Variants in CNTN5 observed in about 807,000 individuals in gnomAD.
CNTN5 encodes contactin 5.
Under a neutral mutation model 129.1 loss-of-function variants are expected in CNTN5, and 77 were observed. The observed-to-expected ratio is 0.60, with a 90% CI of 0.50 to 0.72. The LOEUF (loss-of-function observed/expected upper bound fraction) is 0.72, where lower values mean the gene tolerates loss of function less well. CNTN5 is among the 30% of genes least tolerant of loss of function. The pLI is 0.00. For synonymous variants in CNTN5, 509 were observed against 465.6 expected, an observed-to-expected ratio of 1.09 and a Z score of -1.20; for missense variants, 1,478 against 1,328.8, an observed-to-expected ratio of 1.11 and a Z score of -1.75.
Position 100,203,799 on chromosome 11 carries a change from TACAC to T in CNTN5, c.1884+10165_1884+10168del, listed in dbSNP as rs59141425. Among the ~76,000 whole-genome samples, 659 of 139,172 alleles carry T rather than the reference TACAC, an allele frequency of 4.7e-3. 3 individuals carry two copies. The highest frequency in any genetic ancestry group is 7.4e-3 in the South Asian group (30 of 4,074). The allele number at this position is 139,172 out of a possible 152,430, so 91.3% of individuals were successfully genotyped here. On this transcript the variant is annotated intron_variant, in intron 15 of 24. Coordinates refer to ENST00000524871, the MANE Select transcript of CNTN5 (RefSeq NM_014361.4). The stretch of plus-strand genomic sequence containing the variant: ...CCATCCAATTACATAAATGTGCACG[TACAC>T]ACACACACACACACACACACACACA...
chr11:99,789,557 G>C (rs1402235942), intron 3 of CNTN5, among the ~76,000 whole-genome samples: 1 of 151,916 alleles, frequency 6.6e-6, no homozygotes. Flanking sequence ...TTATCACTTA[G>C]CTTCCTTTGC....
intron 1 of CNTN5, among the ~76,000 whole-genome samples, chr11:99,232,436 G>C (rs1261266780): frequency 2.0e-5 from 3 of 152,120 alleles, no homozygotes; most frequent in Non-Finnish European, 4.4e-5. Flanking sequence ...ATTCATTCAT[G>C]ATTTGCCTCT....
intron 3 of CNTN5, among the ~76,000 whole-genome samples, chr11:99,810,909 A>C (rs1409502383): frequency 1.3e-5 from 2 of 152,130 alleles, no homozygotes; most frequent in African/African-American, 4.8e-5. Flanking sequence ...TCATGAATAC[A>C]TAGTGCCACT....
chr11:99,583,027 A>T (rs1949665661), intron 3 of CNTN5, among the ~76,000 whole-genome samples: 1 of 152,124 alleles, frequency 6.6e-6, no homozygotes, highest in Admixed American at 6.5e-5. Context: ...TCTGTTTGTT[A>T]GTTTTCCTTC....
At chr11:99,971,756 A>T (rs1359918315) in intron 8 of CNTN5, among the ~76,000 whole-genome samples, 1 of 151,900 alleles carries the variant, frequency 6.6e-6, no homozygotes, top group South Asian at 2.1e-4. Context: ...TGTTATGGCT[A>T]AAGTTTATAA....
chr11:99,964,887 G>C (rs1288728888), intron 8 of CNTN5, among the ~76,000 whole-genome samples: 3 of 152,080 alleles, frequency 2.0e-5, no homozygotes, highest in Non-Finnish European at 4.4e-5. Context: ...GTTTAGTCTT[G>C]GGAGGGTGTA....
At chr11:99,555,287 A>G (rs1948627779) in intron 2 of CNTN5, among the ~76,000 whole-genome samples, 1 of 152,032 alleles carries the variant, frequency 6.6e-6, no homozygotes, top group South Asian at 2.1e-4. Flanking sequence ...CTTTACAATT[A>G]TTTCTCAACT....
At chr11:99,354,558 A>C (rs948883864) in intron 2 of CNTN5, among the ~76,000 whole-genome samples, 1 of 152,182 alleles carries the variant, frequency 6.6e-6, no homozygotes, top group African/African-American at 2.4e-5. Flanking sequence ...TAAAAAGCAA[A>C]GGGGAGACAT....
chr11:99,252,576 C>A (rs1258440813), intron 1 of CNTN5, among the ~76,000 whole-genome samples: 1 of 151,442 alleles, frequency 6.6e-6, no homozygotes, highest in Non-Finnish European at 1.5e-5. Flanking sequence ...TATAAACATC[C>A]CCCTAGACCT....
At chr11:99,476,543 G>T (rs1213538617) in intron 2 of CNTN5, among the ~76,000 whole-genome samples, 1 of 152,112 alleles carries the variant, frequency 6.6e-6, no homozygotes, top group Non-Finnish European at 1.5e-5. Flanking sequence ...TACGTACTTT[G>T]TGTTACCTAA....
chr11:99,361,161 G>A (rs866881952), intron 2 of CNTN5, among the ~76,000 whole-genome samples: 7 of 151,928 alleles, frequency 4.6e-5, no homozygotes, highest in Non-Finnish European at 8.8e-5. Context: ...TTCTATCAAC[G>A]TCCTATTCAC....
intron 2 of CNTN5, among the ~76,000 whole-genome samples, chr11:99,449,367 G>A (rs1335063301): frequency 6.6e-6 from 1 of 152,010 alleles, no homozygotes; most frequent in Non-Finnish European, 1.5e-5. Context: ...CTGTTTCCCT[G>A]TGGAAAAAAA....
At position 99,984,720 on chromosome 11, in the gene CNTN5, C is replaced by T. The variant is rs528570261; in HGVS notation, c.878-17314C>T. On this transcript the variant is annotated intron_variant, in intron 8 of 24. Coordinates refer to ENST00000524871, the MANE Select transcript of CNTN5 (RefSeq NM_014361.4). Reference sequence around the variant, plus strand: ...ACAGGCTCATAATACATTTAGAATACAGCATATTTGGAAAATAGCAAGCAC... The same window carrying T: ...ACAGGCTCATAATACATTTAGAATATAGCATATTTGGAAAATAGCAAGCAC... 3.9e-5 allele frequency among the ~76,000 whole-genome samples: 6 copies of T among 152,230 alleles called. 1 individual carries two copies. The East Asian group carries it at 1.2e-3, about 29-fold the overall frequency.
At chr11:99,639,623 G>T (rs1481048974) in intron 3 of CNTN5, among the ~76,000 whole-genome samples, 1 of 120,310 alleles carries the variant, frequency 8.3e-6, no homozygotes, top group East Asian at 2.6e-4. Context: ...GGAGTGCAAT[G>T]GTGCAATCTC....
Position 99,819,568 on chromosome 11 carries a change from T to G in CNTN5, c.80T>G (p.Leu27Arg). The change falls in exon 4 of 25, where the codon CTC (leucine) becomes CGC (arginine). Residue 27 changes from leucine to arginine, a missense_variant. Transcript: ENST00000524871. ...LSEYSKSLPG[L>R]STSYAALLRI... ...GAGTATTCAAAATCTCTTCCTGGTC[T>G]CTCCACTTCATATGCTGCTTTGTTA... is the stretch of plus-strand genomic sequence containing the variant. The G allele has an allele frequency of 6.2e-7, 1 of 1,612,586 alleles. No individual in the cohort carries two copies. Among genetic ancestry groups the G allele is most frequent in the Non-Finnish European group, 8.5e-7 (1 of 1,179,654 alleles).
chr11:99,163,805 G>T (rs1046557016), intron 1 of CNTN5, among the ~76,000 whole-genome samples: 1 of 152,088 alleles, frequency 6.6e-6, no homozygotes, highest in Non-Finnish European at 1.5e-5. Context: ...GCCTACCTTT[G>T]TTCCCATGCA....
chr11:100,345,405 C>T (rs1166734113), intron 23 of CNTN5, among the ~76,000 whole-genome samples: 4 of 152,104 alleles, frequency 2.6e-5, no homozygotes, highest in African/African-American at 9.7e-5. Context: ...AGGGCCCCAC[C>T]TCTTAATACT....
At position 99,717,664 on chromosome 11, in the gene CNTN5, TG is replaced by T. The variant is rs1943022459; in HGVS notation, c.56-101878del. 2.6e-5 allele frequency among the ~76,000 whole-genome samples: 4 copies of T among 152,200 alleles called. No individual in the cohort carries two copies. The South Asian group carries it at 8.3e-4, about 32-fold the overall frequency. On this transcript the variant is annotated intron_variant, in intron 3 of 24. Transcript: ENST00000524871. ...ATGGAGGTAAATCAGAGGTAACATATGGATGTCTCCATAATCTGTTTCAAAA... is the reference window on the plus strand; with the variant it reads ...ATGGAGGTAAATCAGAGGTAACATATGATGTCTCCATAATCTGTTTCAAAA...
chr11:99,956,792 T>C lies in CNTN5; in HGVS notation c.674-14T>C. 6.2e-7 allele frequency: 1 copy of C among 1,609,136 alleles called. No individual in the cohort carries two copies. The highest frequency in any genetic ancestry group is 1.7e-5 in the Admixed American group (1 of 59,678). On this transcript the variant is annotated splice_polypyrimidine_tract_variant and intron_variant, in intron 7 of 24. Transcript: ENST00000524871. ...ATCAAAGTCTTTCGTTGACCAAATT[T>C]TGTGTATTTTCAGAGATCATCTATA... is the stretch of plus-strand genomic sequence containing the variant.
Sources: allele counts gnomAD v4.1 joint callset (sites outside exome capture counted in the v4.1 genomes callset), GRCh38; gene constraint gnomAD v4.1.1; transcripts MANE v1.5; gene names NCBI Gene and HGNC (gene_info 2026-07-23, HGNC 2026-07-21).